The following RASSF5 variants were observed in gnomAD, a reference collection of about 807,000 sequenced individuals.
RASSF5 encodes the protein ras association domain-containing protein 5.
RASSF5 carries 25 observed loss-of-function variants against 40.5 expected under a neutral mutation model. That is an observed-to-expected ratio of 0.62 (90% CI 0.45 to 0.86). RASSF5 has a LOEUF of 0.86. Among genes scored for constraint, RASSF5 ranks in the 40% least tolerant of loss-of-function variants. The pLI is 0.00. For missense variants in RASSF5, 521 were observed against 572.8 expected (o/e 0.91, Z 0.92); for synonymous variants, 246 against 252.4 (o/e 0.97, Z 0.24).
chr1:206,577,666 G>A (rs1553405416), intron 2 of RASSF5, among the ~76,000 whole-genome samples: 1 of 152,198 alleles, frequency 6.6e-6, no homozygotes, highest in Non-Finnish European at 1.5e-5. Context: ...TAGAGGACAA[G>A]ACAGGCGTGG....
chr1:206,574,234 G>C (rs1399499649), intron 2 of RASSF5, among the ~76,000 whole-genome samples: 9 of 152,190 alleles, frequency 5.9e-5, no homozygotes, highest in East Asian at 1.9e-4. Flanking sequence ...GGAGTCTGCG[G>C]GAGTGGCCTG....
At chr1:206,556,986 G>C (rs1285567910) in intron 2 of RASSF5, among the ~76,000 whole-genome samples, 15 of 152,138 alleles carry the variant, frequency 9.9e-5, no homozygotes, top group Admixed American at 9.2e-4. Flanking sequence ...AGAACAGAGG[G>C]AATGTTCCCC....
intron 1 of RASSF5, among the ~76,000 whole-genome samples, chr1:206,515,896 T>A (rs1162703063): frequency 1.3e-5 from 2 of 152,188 alleles, no homozygotes; most frequent in Admixed American, 1.3e-4. Flanking sequence ...CTCCCCCACC[T>A]CAAACAAAAC....
chr1:206,566,565 G>T (rs1668294393), intron 2 of RASSF5, among the ~76,000 whole-genome samples: 1 of 152,214 alleles, frequency 6.6e-6, no homozygotes, highest in Non-Finnish European at 1.5e-5. Flanking sequence ...TCGCTTTGCA[G>T]TGGGGAGCAA....
intron 5 of RASSF5, chr1:206,585,992 T>A (rs1669096655): frequency 1.3e-5 from 2 of 152,222 alleles, no homozygotes; most frequent in African/African-American, 4.8e-5. Flanking sequence ...TTGGAAAAAG[T>A]ACTCCATGGA....
rs1553405739 is a variant in RASSF5, at chr1:206,579,072, C to T, written c.580-4197C>T. On this transcript the variant is annotated intron_variant, in intron 2 of 5. Coordinates refer to ENST00000579436, the MANE Select transcript of RASSF5 (RefSeq NM_182663.4). The surrounding 1 kb of genome is among the most constrained non-coding windows in gnomAD (Gnocchi z 4.2). ...GAACCCCTAGCACCCAGCCTCTTTA[C>T]ATGGCTGTTCCCCAATCACCTCCAG... Among the ~76,000 whole-genome samples the T allele has an allele frequency of 1.3e-5, 2 of 152,214 alleles. No individual in the cohort carries two copies. The highest frequency in any genetic ancestry group is 6.5e-5 in the Admixed American group (1 of 15,290).
At chr1:206,547,372 T>G (rs1448327116) in intron 2 of RASSF5, among the ~76,000 whole-genome samples, 1 of 151,906 alleles carries the variant, frequency 6.6e-6, no homozygotes, top group Non-Finnish European at 1.5e-5. Context: ...GCCTGAGCTC[T>G]GCCTCCTTGT....
chr1:206,579,737 T>A lies in RASSF5; in HGVS notation c.580-3532T>A, dbSNP rs1352809627. Among the ~76,000 whole-genome samples, 1 of 152,208 alleles carries A rather than the reference T, an allele frequency of 6.6e-6. No individual in the cohort carries two copies. Among genetic ancestry groups the A allele is most frequent in the Non-Finnish European group, 1.5e-5 (1 of 68,042 alleles). ...TCTCCAGGGATGAAGCCCAGGCAGC[T>A]AAGTTTCTAAAGATCCCCCAGATGA... is the stretch of plus-strand genomic sequence containing the variant. On this transcript the variant is annotated intron_variant, in intron 2 of 5. Transcript: ENST00000579436. This position sits in a 1 kb window ranked among gnomAD's most constrained non-coding sequence, Gnocchi z 4.2.
At chr1:206,561,159 G>A (rs868967734) in intron 2 of RASSF5, among the ~76,000 whole-genome samples, 1 of 152,232 alleles carries the variant, frequency 6.6e-6, no homozygotes, top group African/African-American at 2.4e-5. Context: ...TCTGCTTGCA[G>A]AATGTCAGAG....
rs1273002290 is a variant in RASSF5, at chr1:206,531,138, A to C, written c.458-7034A>C. Among the ~76,000 whole-genome samples the C allele has an allele frequency of 1.3e-5, 2 of 152,254 alleles. No individual in the cohort carries two copies. Among genetic ancestry groups the C allele is most frequent in the Admixed American group, 6.5e-5 (1 of 15,284 alleles). Reference sequence around the variant, plus strand: ...GAGGAAACCAAGGCCACTAGAGGTTAGGACACCGGCCTGGGGTCGGATCAG... The same window carrying C: ...GAGGAAACCAAGGCCACTAGAGGTTCGGACACCGGCCTGGGGTCGGATCAG... On this transcript the variant is annotated intron_variant, in intron 1 of 5. Transcript: ENST00000579436. The surrounding 1 kb of genome is among the most constrained non-coding windows in gnomAD (Gnocchi z 4.7).
intron 1 of RASSF5, among the ~76,000 whole-genome samples, chr1:206,521,969 T>C (rs1553396179): frequency 6.6e-6 from 1 of 152,232 alleles, no homozygotes. Context: ...GCTTTGGATA[T>C]CATGGGCTTG....
intron 2 of RASSF5, among the ~76,000 whole-genome samples, chr1:206,578,446 G>A (rs1668741214): frequency 6.6e-6 from 1 of 152,154 alleles, no homozygotes; most frequent in African/African-American, 2.4e-5. Context: ...ATAGTGCACG[G>A]TACATATTAG....
intron 2 of RASSF5, among the ~76,000 whole-genome samples, chr1:206,538,495 C>T (rs978001219): frequency 9.2e-5 from 14 of 152,188 alleles, no homozygotes; most frequent in African/African-American, 3.4e-4. Context: ...TCAGAAGTCC[C>T]CTGTAGTTCT....
chr1:206,584,978 A>T lies in RASSF5; in HGVS notation c.989-202A>T. 1.6e-6 allele frequency: 1 copy of T among 609,676 alleles called. No homozygotes were observed. Among genetic ancestry groups the T allele is most frequent in the Non-Finnish European group, 2.9e-6 (1 of 343,930 alleles). The allele number at this position is 609,676 out of a possible 1,614,324, so 37.8% of individuals were successfully genotyped here. A position where few individuals can be genotyped will look rare whatever the true frequency, so the allele number is the denominator to read the frequency against. On this transcript the variant is annotated intron_variant, in intron 4 of 5. Coordinates refer to ENST00000579436, the MANE Select transcript of RASSF5 (RefSeq NM_182663.4). This position sits in a 1 kb window ranked among gnomAD's most constrained non-coding sequence, Gnocchi z 4.9. ...ATCTTTCAGGAGATGATGTGAATGGAATCATGCTTTAAACTCTGAGCAGAC... is the reference window on the plus strand; with the variant it reads ...ATCTTTCAGGAGATGATGTGAATGGTATCATGCTTTAAACTCTGAGCAGAC...
rs117617854 is a variant in RASSF5 at position 206,584,760 on chromosome 1, G to A, written c.988+76G>A. 19,040 of 1,504,646 alleles carry A rather than the reference G, an allele frequency of 0.013. 297 individuals carry two copies. Among genetic ancestry groups the A allele is most frequent in the South Asian group, 0.059 (4,893 of 83,622 alleles). 93.2% of individuals were successfully genotyped at this position (1,504,646 alleles called of 1,614,324 possible). On this transcript the variant is annotated intron_variant, in intron 4 of 5. Coordinates refer to ENST00000579436, the MANE Select transcript of RASSF5 (RefSeq NM_182663.4). This position sits in a 1 kb window ranked among gnomAD's most constrained non-coding sequence, Gnocchi z 4.9. ...AAGCCCACCCACTAAAACTCCTGCC[G>A]GCCTTGGGTGGGAGCTGTGGGCTTC...
chr1:206,578,961 G>A (rs1373278072), intron 2 of RASSF5, among the ~76,000 whole-genome samples: 1 of 152,188 alleles, frequency 6.6e-6, no homozygotes, highest in African/African-American at 2.4e-5. Flanking sequence ...TTAGGCCCCA[G>A]ACGAAAGGGG....
intron 2 of RASSF5, among the ~76,000 whole-genome samples, chr1:206,559,060 G>A (rs926298630): frequency 2.0e-5 from 3 of 152,226 alleles, no homozygotes; most frequent in Non-Finnish European, 4.4e-5. Context: ...GGAAGCTTTA[G>A]AAAATACTGG....
intron 2 of RASSF5, 122 bp from the exon 3 acceptor site, chr1:206,583,147 T>C: frequency 1.5e-6 from 1 of 679,668 alleles, no homozygotes; most frequent in Non-Finnish European, 2.7e-6. Context: ...GTGCAGTTAG[T>C]TCCACTCTGC....
At chr1:206,515,785 A>C (rs1666730846) in intron 1 of RASSF5, among the ~76,000 whole-genome samples, 1 of 152,116 alleles carries the variant, frequency 6.6e-6, no homozygotes, top group Admixed American at 6.6e-5. Flanking sequence ...GATTTGCAGG[A>C]GGCTGTTTTT....
Sources: allele counts gnomAD v4.1 joint callset (sites outside exome capture counted in the v4.1 genomes callset), GRCh38; gene constraint gnomAD v4.1.1; non-coding constraint Gnocchi (gnomAD v3.1); transcripts MANE v1.5; gene names NCBI Gene and HGNC (gene_info 2026-07-23, HGNC 2026-07-21).